CUX1: variants seen among roughly 807,000 people sequenced by gnomAD.
The protein encoded by CUX1 is protein CASP.
A neutral mutation model predicts 158.8 loss-of-function variants in CUX1; 31 were observed. That is an observed-to-expected ratio of 0.20 (90% CI 0.15 to 0.26). The LOEUF is 0.26. Among genes scored for constraint, CUX1 ranks in the 10% least tolerant of loss-of-function variants. The pLI is 1.00. For synonymous variants in CUX1, 879 were observed against 862.1 expected (o/e 1.02, Z -0.34); for missense variants, 1,589 against 2,014.6 (o/e 0.79, Z 4.04).
At chr7:101,832,413 G>A (rs974066159) in intron 1 of CUX1, among the ~76,000 whole-genome samples, 4 of 152,192 alleles carry the variant, frequency 2.6e-5, no homozygotes, top group Non-Finnish European at 5.9e-5. Context: ...CACATCCAGC[G>A]AGCCCACTGT....
intron 1 of CUX1, among the ~76,000 whole-genome samples, chr7:101,829,288 C>T (rs779531775): frequency 6.6e-6 from 1 of 152,160 alleles, no homozygotes; most frequent in Non-Finnish European, 1.5e-5. Flanking sequence ...CATACCATAT[C>T]TACAGTTTTA....
intron 21 of CUX1, chr7:102,282,063 C>T (rs1792116193): frequency 2.9e-6 from 2 of 681,050 alleles, no homozygotes; most frequent in East Asian, 2.7e-5. Context: ...CTCTCCCCTT[C>T]GAGAGCCTTG....
rs573089313 is a variant in CUX1 at position 101,834,259 on chromosome 7, C to T, written c.30+16590C>T. Among the ~76,000 whole-genome samples the T allele has an allele frequency of 1.3e-4, 19 of 150,020 alleles. No individual in the cohort carries two copies. The East Asian group carries it at 2.9e-3, about 23-fold the overall frequency. The stretch of plus-strand genomic sequence containing the variant: ...CACTATCTCAGCCCACTGCAACCTC[C>T]GCCTCCTGGGTTCAAGCGATTCTCC... On this transcript the variant is annotated intron_variant, in intron 1 of 23. Coordinates refer to ENST00000292535, the MANE Select transcript of CUX1 (RefSeq NM_181552.4).
rs549576158 is a variant in CUX1, at chr7:102,084,423, T to C, written c.269-12941T>C. On this transcript the variant is annotated intron_variant, in intron 4 of 23. Coordinates refer to ENST00000292535, the MANE Select transcript of CUX1 (RefSeq NM_181552.4). ...ATGCCCTTGAAGACAATATATACTTTTTTCTTTTTTTTTTTTTTGAGACAG... is the reference window on the plus strand; with the variant it reads ...ATGCCCTTGAAGACAATATATACTTCTTTCTTTTTTTTTTTTTTGAGACAG... Among the ~76,000 whole-genome samples, 14 of 110,900 alleles carry C rather than the reference T, an allele frequency of 1.3e-4. 2 individuals carry two copies. Among genetic ancestry groups the C allele is most frequent in the African/African-American group, 5.0e-4 (14 of 27,956 alleles). The allele number at this position is 110,900 out of a possible 152,430, so 72.8% of individuals were successfully genotyped here. A position where few individuals can be genotyped will look rare whatever the true frequency, so the allele number is the denominator to read the frequency against.
At chr7:102,113,100 T>A (rs1432431500) in intron 7 of CUX1, among the ~76,000 whole-genome samples, 1 of 152,122 alleles carries the variant, frequency 6.6e-6, no homozygotes, top group South Asian at 2.1e-4. Flanking sequence ...GCAAGGGATA[T>A]GAACAGTCAG....
rs1384232369 is a variant in CUX1 at position 102,258,012 on chromosome 7, A to G, written c.*8970A>G. The G allele has an allele frequency of 2.0e-6, 2 of 984,724 alleles. No individual in the cohort carries two copies. The highest frequency in any genetic ancestry group is 2.4e-6 in the Non-Finnish European group (2 of 829,876). 61.0% of individuals were successfully genotyped at this position (984,724 alleles called of 1,614,324 possible). ...ATTTGTTTTTCTACATTAAGAGTCA[A>G]AGTTGACCTGGCTGGCGTGGGGGTG... On this transcript the variant is annotated 3_prime_UTR_variant, in exon 24 of 24. Transcript: ENST00000292535.
intron 2 of CUX1, among the ~76,000 whole-genome samples, chr7:101,984,077 C>CAAAAAAAAA (rs1181549351): frequency 1.2e-4 from 2 of 16,766 alleles, no homozygotes; most frequent in African/African-American, 6.2e-4. Flanking sequence ...TGTCCCCCCC[C>CAAAAAAAAA]AAAAAAAAAA....
intron 1 of CUX1, among the ~76,000 whole-genome samples, chr7:101,848,446 C>T (rs1259430374): frequency 6.6e-6 from 1 of 152,038 alleles, no homozygotes; most frequent in Admixed American, 6.6e-5. Flanking sequence ...CTTCCTACCG[C>T]GAGGAGAAAA....
At chr7:102,157,536 T>G (rs1299821128) in intron 8 of CUX1, among the ~76,000 whole-genome samples, 12 of 152,122 alleles carry the variant, frequency 7.9e-5, no homozygotes, top group African/African-American at 2.9e-4. Flanking sequence ...TTCCAGCACT[T>G]TGGGAGGCCA....
At chr7:102,045,267 C>T (rs1419887547) in intron 3 of CUX1, among the ~76,000 whole-genome samples, 1 of 152,226 alleles carries the variant, frequency 6.6e-6, no homozygotes, top group African/African-American at 2.4e-5. Flanking sequence ...AGGAAATGAA[C>T]AGTTGAGAGA....
At chr7:102,219,363 C>G (rs1456865440) in intron 20 of CUX1, among the ~76,000 whole-genome samples, 1 of 152,100 alleles carries the variant, frequency 6.6e-6, no homozygotes, top group Non-Finnish European at 1.5e-5. Context: ...CCCTCCCACT[C>G]CAACCCTTCT....
At chr7:101,876,647 A>C (rs1346530065) in intron 1 of CUX1, among the ~76,000 whole-genome samples, 1 of 152,084 alleles carries the variant, frequency 6.6e-6, no homozygotes, top group Non-Finnish European at 1.5e-5. Context: ...GTGAGTTGAG[A>C]TCGGGCCACT....
rs1335904017 is a variant in CUX1 at position 101,916,679 on chromosome 7, G to A, written c.141+454G>A. 1 of 157,854 alleles carries A rather than the reference G, an allele frequency of 6.3e-6. No homozygotes were observed. The highest frequency in any genetic ancestry group is 1.4e-5 in the Non-Finnish European group (1 of 71,034). 9.8% of individuals were successfully genotyped at this position (157,854 alleles called of 1,614,324 possible). ...GCTGCACGCATCTGGGCATAGCAGT[G>A]CGCCTAACGCTTCTTGTAAAACAGA... On this transcript the variant is annotated intron_variant, in intron 2 of 23. Transcript: ENST00000292535. The surrounding 1 kb of genome is among the most constrained non-coding windows in gnomAD (Gnocchi z 4.4).
At chr7:102,041,794 A>C (rs1461907808) in intron 3 of CUX1, among the ~76,000 whole-genome samples, 2 of 151,342 alleles carry the variant, frequency 1.3e-5, no homozygotes, top group Non-Finnish European at 2.9e-5. Context: ...CAGCCTCCCA[A>C]GTAGCTGGGA....
At chr7:102,062,812 A>G (rs1261636619) in intron 3 of CUX1, among the ~76,000 whole-genome samples, 2 of 151,288 alleles carry the variant, frequency 1.3e-5, no homozygotes, top group Admixed American at 6.6e-5. Flanking sequence ...TTGTCTTTAA[A>G]TGTAACACTT....
chr7:102,138,214 T>G (rs1834098887), intron 8 of CUX1, among the ~76,000 whole-genome samples: 1 of 152,216 alleles, frequency 6.6e-6, no homozygotes, highest in Admixed American at 6.5e-5. Context: ...AATCATTGCC[T>G]TTTTACTCAA....
intron 2 of CUX1, among the ~76,000 whole-genome samples, chr7:101,993,069 C>G (rs1453796160): frequency 1.3e-5 from 2 of 152,266 alleles, no homozygotes; most frequent in Non-Finnish European, 2.9e-5. Context: ...GTGGTTCATG[C>G]CTGTAATCCC....
At chr7:102,243,365 C>T (rs1294827301) in intron 23 of CUX1, among the ~76,000 whole-genome samples, 2 of 152,038 alleles carry the variant, frequency 1.3e-5, no homozygotes, top group Non-Finnish European at 2.9e-5. Flanking sequence ...GCAGGCTGGG[C>T]TGAGTCAAAT....
intron 21 of CUX1, 35 bp downstream of exon 21, chr7:102,227,704 G>T: frequency 1.3e-6 from 2 of 1,582,198 alleles, no homozygotes; most frequent in South Asian, 1.2e-5. Context: ...GTCAGGAGGT[G>T]GCAGGGAGTT....
Sources: allele counts gnomAD v4.1 joint callset (sites outside exome capture counted in the v4.1 genomes callset), GRCh38; gene constraint gnomAD v4.1.1; non-coding constraint Gnocchi (gnomAD v3.1); transcripts MANE v1.5; gene names NCBI Gene and HGNC (gene_info 2026-07-23, HGNC 2026-07-21).